Variants in RAB11FIP4 observed in about 807,000 individuals in gnomAD.
The protein encoded by RAB11FIP4 is rab11 family-interacting protein 4.
Under a neutral mutation model 74.3 loss-of-function variants are expected in RAB11FIP4, and 23 were observed. The observed-to-expected ratio is 0.31, with a 90% CI of 0.22 to 0.44. RAB11FIP4 has a LOEUF of 0.44. RAB11FIP4 is among the 20% of genes least tolerant of loss of function. The probability of loss-of-function intolerance (pLI) is 1.00; values close to 1 mark genes in which losing one functional copy is unlikely to be tolerated. For synonymous variants in RAB11FIP4, 360 were observed against 359.9 expected (o/e 1.00, Z 0.00); for missense variants, 630 against 863.9 (o/e 0.73, Z 3.39).
intron 3 of RAB11FIP4, among the ~76,000 whole-genome samples, chr17:31,488,805 T>C (rs1347093713): frequency 6.6e-6 from 1 of 150,556 alleles, no homozygotes. Context: ...TGGTGGGAGG[T>C]GTGTTGTGGC....
intron 3 of RAB11FIP4, among the ~76,000 whole-genome samples, chr17:31,455,641 G>GAAGTGGAGCATCCTC (rs6146030): frequency 6.6e-6 from 1 of 151,898 alleles, no homozygotes; most frequent in African/African-American, 2.4e-5. Context: ...CAGGGAGTGG[G>GAAGTGGAGCATCCTC]TCTGCTCTGA....
chr17:31,463,270 C>T (rs540763384), intron 3 of RAB11FIP4, among the ~76,000 whole-genome samples: 14 of 152,302 alleles, frequency 9.2e-5, no homozygotes, highest in Non-Finnish European at 1.6e-4. Context: ...ATCATGACCC[C>T]TTTAGCCTCT....
chr17:31,480,973 C>G (rs911907622), intron 3 of RAB11FIP4, among the ~76,000 whole-genome samples: 1 of 152,090 alleles, frequency 6.6e-6, no homozygotes, highest in Non-Finnish European at 1.5e-5. Flanking sequence ...TCAACCAAGA[C>G]TTGGTACTGA....
chr17:31,485,632 G>T (rs1300757172), intron 3 of RAB11FIP4, among the ~76,000 whole-genome samples: 2 of 152,190 alleles, frequency 1.3e-5, no homozygotes, highest in East Asian at 3.9e-4. Context: ...AACCTTTTGG[G>T]ACACTGCTGA....
chr17:31,447,111 C>T lies in RAB11FIP4; in HGVS notation c.336+12989C>T, dbSNP rs557859608. Among the ~76,000 whole-genome samples the T allele has an allele frequency of 2.7e-4, 41 of 152,276 alleles. No individual in the cohort carries two copies. The East Asian group carries it at 3.5e-3, about 13-fold the overall frequency. On this transcript the variant is annotated intron_variant, in intron 3 of 14. Transcript: ENST00000621161. ...CATCCTGGCTAACACGGTGAAACCC[C>T]GTCTCCACTAAAAATACAAAAAATT... is the stretch of plus-strand genomic sequence containing the variant.
At chr17:31,493,206 C>T (rs944731155) in intron 3 of RAB11FIP4, among the ~76,000 whole-genome samples, 2 of 152,236 alleles carry the variant, frequency 1.3e-5, no homozygotes, top group African/African-American at 4.8e-5. Flanking sequence ...TCTTCCCAGA[C>T]AAGTGGGTTC....
At chr17:31,482,163 T>G (rs1290422493) in intron 3 of RAB11FIP4, among the ~76,000 whole-genome samples, 3 of 152,164 alleles carry the variant, frequency 2.0e-5, no homozygotes, top group South Asian at 4.1e-4. Context: ...CTCCTGCATC[T>G]TCACTGGGTT....
At chr17:31,488,055 C>T (rs1219571180) in intron 3 of RAB11FIP4, 1 of 1,016,754 alleles carries the variant, frequency 9.8e-7, no homozygotes, top group East Asian at 9.4e-5. Flanking sequence ...ACAAAGAGCC[C>T]TTCGGCCCAC....
At chr17:31,490,800 G>A (rs758595494) in intron 3 of RAB11FIP4, among the ~76,000 whole-genome samples, 33 of 152,170 alleles carry the variant, frequency 2.2e-4, no homozygotes, top group Non-Finnish European at 4.3e-4. Flanking sequence ...CAAGGGTTCT[G>A]CCTGCCTCAC....
At position 31,537,691 on chromosome 17, in the gene RAB11FIP4, A is replaced by G. The variant is rs2072989710; in HGVS notation, c.*5959A>G. ...GGTGTCTAGAACAGCTGCGGGCCCC[A>G]CTTGGGCAGAAGGAAGAGGTGCTAG... On this transcript the variant is annotated 3_prime_UTR_variant, in exon 15 of 15. Coordinates refer to ENST00000621161, the MANE Select transcript of RAB11FIP4 (RefSeq NM_032932.6). 6.5e-6 allele frequency: 1 copy of G among 154,064 alleles called. No individual in the cohort carries two copies. Among genetic ancestry groups the G allele is most frequent in the South Asian group, 2.1e-4 (1 of 4,852 alleles). 9.5% of individuals were successfully genotyped at this position (154,064 alleles called of 1,614,324 possible).
intron 3 of RAB11FIP4, among the ~76,000 whole-genome samples, chr17:31,507,786 C>A (rs2072379905): frequency 6.6e-6 from 1 of 152,124 alleles, no homozygotes; most frequent in Admixed American, 6.6e-5. Context: ...CACTGCCATG[C>A]CTGGCTTAGA....
Position 31,517,814 on chromosome 17 carries a change from G to T in RAB11FIP4, c.500G>T (p.Gly167Val), listed in dbSNP as rs542535163. ...ATGGAGAGCACTCAGAGCCTGGAGGGGTCTGTCGGGAGTCCTGCCGAGAAG... is the reference window on the plus strand; with the variant it reads ...ATGGAGAGCACTCAGAGCCTGGAGGTGTCTGTCGGGAGTCCTGCCGAGAAG... ...SPMESTQSLE[G>V]SVGSPAEKDG... The change falls in exon 4 of 15, where the codon GGG (glycine) becomes GTG (valine). Residue 167 changes from glycine to valine, a missense_variant. Physicochemically the swap from Gly to Val is moderately radical, Grantham distance 109 (BLOSUM62 -3). Coordinates refer to ENST00000621161, the MANE Select transcript of RAB11FIP4 (RefSeq NM_032932.6). 6.4e-7 allele frequency: 1 copy of T among 1,552,930 alleles called. No homozygotes were observed. The highest frequency in any genetic ancestry group is 8.7e-7 in the Non-Finnish European group (1 of 1,147,640).
At position 31,522,068 on chromosome 17, in the gene RAB11FIP4, TG is replaced by T. The variant is rs201826055; in HGVS notation, c.893+25del. 798 of 1,613,636 alleles carry T rather than the reference TG, an allele frequency of 4.9e-4. 7 individuals are homozygous for T. In the East Asian group the frequency reaches 0.016, roughly 33 times the overall value. ...CCAACAGGTGAGGCCCAGGCCCAGC[TG>T]GGGGGTGAGAGGCCGGGGGGCCAGG... On this transcript the variant is annotated intron_variant, in intron 6 of 14. Coordinates refer to ENST00000621161, the MANE Select transcript of RAB11FIP4 (RefSeq NM_032932.6).
At chr17:31,445,567 T>C (rs2071450721) in intron 3 of RAB11FIP4, among the ~76,000 whole-genome samples, 2 of 12,656 alleles carry the variant, frequency 1.6e-4, no homozygotes, top group African/African-American at 6.1e-4. Context: ...TATATATATA[T>C]ATATATATAT....
rs948210609 is a variant in RAB11FIP4, at chr17:31,512,831, C to T, written c.337-4820C>T. 5.9e-5 allele frequency among the ~76,000 whole-genome samples: 9 copies of T among 151,798 alleles called. No individual in the cohort carries two copies. Among genetic ancestry groups the T allele is most frequent in the African/African-American group, 1.9e-4 (8 of 41,214 alleles). On this transcript the variant is annotated intron_variant, in intron 3 of 14. Coordinates refer to ENST00000621161, the MANE Select transcript of RAB11FIP4 (RefSeq NM_032932.6). This position sits in a 1 kb window ranked among gnomAD's most constrained non-coding sequence, Gnocchi z 4.1. ...GGTCCCTGGGTGGTGACTGGACGGC[C>T]GTGTGTGGACTCCTTTTTCACACAG... is the stretch of plus-strand genomic sequence containing the variant.
intron 1 of RAB11FIP4, among the ~76,000 whole-genome samples, chr17:31,423,659 A>G (rs1475389594): frequency 6.6e-6 from 1 of 151,756 alleles, no homozygotes; most frequent in East Asian, 1.9e-4. Flanking sequence ...CACCCCAAGT[A>G]TACATACTCC....
intron 1 of RAB11FIP4, among the ~76,000 whole-genome samples, chr17:31,403,657 G>A (rs576698743): frequency 2.4e-4 from 36 of 152,162 alleles, no homozygotes; most frequent in African/African-American, 6.7e-4. Context: ...TCGTCATCAC[G>A]GCAACCAGGA....
chr17:31,466,315 C>T (rs1037453920), intron 3 of RAB11FIP4, among the ~76,000 whole-genome samples: 2 of 152,104 alleles, frequency 1.3e-5, no homozygotes, highest in South Asian at 2.1e-4. Flanking sequence ...TTCCTGAATC[C>T]GCCACTTCTA....
intron 3 of RAB11FIP4, among the ~76,000 whole-genome samples, chr17:31,504,429 C>T (rs1201357948): frequency 1.3e-5 from 2 of 152,062 alleles, no homozygotes; most frequent in Admixed American, 1.3e-4. Context: ...CCACGCCCGG[C>T]TAATTTTTTT....
Sources: allele counts gnomAD v4.1 joint callset (sites outside exome capture counted in the v4.1 genomes callset), GRCh38; gene constraint gnomAD v4.1.1; non-coding constraint Gnocchi (gnomAD v3.1); transcripts MANE v1.5; gene names NCBI Gene and HGNC (gene_info 2026-07-23, HGNC 2026-07-21).